The following STX8 variants were observed in gnomAD, a reference collection of about 807,000 sequenced individuals.
The protein encoded by STX8 is syntaxin 8.
Under a neutral mutation model 37.5 loss-of-function variants are expected in STX8, and 23 were observed. The ratio of observed to expected loss-of-function variants is 0.61; its 90% confidence interval spans 0.44 to 0.87. The LOEUF is 0.87. Among genes scored for constraint, STX8 ranks in the 40% least tolerant of loss-of-function variants. The probability of loss-of-function intolerance (pLI) is 0.00; values close to 1 mark genes in which losing one functional copy is unlikely to be tolerated. For synonymous variants in STX8, 115 were observed against 99.1 expected (o/e 1.16, Z -0.95); for missense variants, 313 against 284.7 (o/e 1.10, Z -0.71).
intron 7 of STX8, among the ~76,000 whole-genome samples, chr17:9,327,674 A>AT (rs1295691078): frequency 6.6e-6 from 1 of 151,894 alleles, no homozygotes; most frequent in African/African-American, 2.4e-5. Context: ...AGGGCAGAGA[A>AT]TTTTTTTCTT....
At chr17:9,304,609 G>T (rs375165030) in intron 7 of STX8, among the ~76,000 whole-genome samples, 1 of 151,210 alleles carries the variant, frequency 6.6e-6, no homozygotes. Context: ...AATGTTCTAC[G>T]ATTTCTGACC....
chr17:9,543,760 T>G (rs2073175483), intron 4 of STX8, among the ~76,000 whole-genome samples: 1 of 152,280 alleles, frequency 6.6e-6, no homozygotes, highest in African/African-American at 2.4e-5. Flanking sequence ...CAGCACAGGC[T>G]TCTATCTTCA....
intron 7 of STX8, among the ~76,000 whole-genome samples, chr17:9,265,131 A>G (rs1411085289): frequency 6.6e-6 from 1 of 151,946 alleles, no homozygotes; most frequent in Admixed American, 6.6e-5. Context: ...AAGAAAAAAA[A>G]AAAAAAAAAA....
chr17:9,376,549 C>A lies in STX8; in HGVS notation c.643+2003G>T, dbSNP rs147055922. ...AATAAAATCAGGCCACCTGAGGCAG[C>A]AACCCTGACCCGCTCGGGTCCCCTT... On this transcript the variant is annotated intron_variant, in intron 7 of 7. Transcript: ENST00000306357. 3.7e-4 allele frequency among the ~76,000 whole-genome samples: 57 copies of A among 152,346 alleles called. 1 individual carries two copies. Among genetic ancestry groups the A allele is most frequent in the African/African-American group, 1.3e-3 (54 of 41,578 alleles).
At chr17:9,490,935 G>C (rs1228289297) in intron 6 of STX8, among the ~76,000 whole-genome samples, 1 of 152,148 alleles carries the variant, frequency 6.6e-6, no homozygotes, top group Non-Finnish European at 1.5e-5. Context: ...GTTGTGTGGA[G>C]ATGAAATGAA....
chr17:9,313,919 C>T (rs1209536590), intron 7 of STX8, among the ~76,000 whole-genome samples: 4 of 152,312 alleles, frequency 2.6e-5, no homozygotes, highest in Admixed American at 2.6e-4. Context: ...CATGAGCCAC[C>T]GTGCCCAGCC....
intron 7 of STX8, among the ~76,000 whole-genome samples, chr17:9,376,060 A>T (rs1911570060): frequency 6.6e-6 from 1 of 152,158 alleles, no homozygotes; most frequent in Non-Finnish European, 1.5e-5. Context: ...CCGCTTTCTT[A>T]TAATTAGGAA....
chr17:9,544,801 A>G (rs1039057871), intron 4 of STX8, among the ~76,000 whole-genome samples: 10 of 152,018 alleles, frequency 6.6e-5, no homozygotes, highest in Non-Finnish European at 1.5e-5. Flanking sequence ...GACCATCCTG[A>G]CTAATACGGT....
At chr17:9,357,689 T>C (rs942157783) in intron 7 of STX8, among the ~76,000 whole-genome samples, 1 of 151,974 alleles carries the variant, frequency 6.6e-6, no homozygotes, top group South Asian at 2.1e-4. Context: ...AGTGAGACTC[T>C]GTCTCAAAAA....
intron 7 of STX8, among the ~76,000 whole-genome samples, chr17:9,252,609 CA>C (rs60037652): frequency 1.5e-3 from 142 of 94,016 alleles, no homozygotes; most frequent in South Asian, 2.0e-3. Flanking sequence ...AACTCTGTCT[CA>C]AAAAAAAAAA....
At chr17:9,472,399 T>C (rs1289798036) in intron 6 of STX8, among the ~76,000 whole-genome samples, 2 of 152,208 alleles carry the variant, frequency 1.3e-5, no homozygotes, top group African/African-American at 4.8e-5. Context: ...CTGAATCCTT[T>C]GAGTCCTCCT....
intron 7 of STX8, among the ~76,000 whole-genome samples, chr17:9,306,383 G>C (rs997851420): frequency 3.9e-5 from 6 of 152,108 alleles, no homozygotes; most frequent in African/African-American, 1.2e-4. Flanking sequence ...AGAAGACAGG[G>C]AGCGGGGAAT....
intron 2 of STX8, among the ~76,000 whole-genome samples, chr17:9,559,760 A>ATATATATTTTTTTTTTTTTTTTTTTTT: frequency 4.1e-5 from 1 of 24,492 alleles, no homozygotes; most frequent in African/African-American, 1.9e-4. Flanking sequence ...ATATATATAT[A>ATATATATTTTTTTTTTTTTTTTTTTTT]TTTTTTTTTT....
At chr17:9,344,041 T>C (rs1214159440) in intron 7 of STX8, among the ~76,000 whole-genome samples, 2 of 152,066 alleles carry the variant, frequency 1.3e-5, no homozygotes, top group Non-Finnish European at 2.9e-5. Flanking sequence ...AGTTACAAAA[T>C]ATAACAACAA....
chr17:9,562,179 G>C (rs28708951), intron 2 of STX8, among the ~76,000 whole-genome samples: 53 of 151,780 alleles, frequency 3.5e-4, no homozygotes, highest in African/African-American at 1.2e-3. Context: ...TGAGGCAGGC[G>C]GATCACAAGG....
intron 6 of STX8, among the ~76,000 whole-genome samples, chr17:9,418,065 G>A (rs1213660802): frequency 2.0e-5 from 3 of 152,166 alleles, no homozygotes; most frequent in East Asian, 1.9e-4. Context: ...TTGTAGCCAC[G>A]TTGGACAGAA....
chr17:9,376,153 C>G (rs1567802908), intron 7 of STX8, among the ~76,000 whole-genome samples: 2 of 152,222 alleles, frequency 1.3e-5, no homozygotes, highest in Admixed American at 6.5e-5. Flanking sequence ...CGGGTGGGGA[C>G]TTGGAGAACT....
chr17:9,333,602 G>A (rs1264128303), intron 7 of STX8, among the ~76,000 whole-genome samples: 1 of 152,228 alleles, frequency 6.6e-6, no homozygotes, highest in South Asian at 2.1e-4. Context: ...TGTTAGCCAG[G>A]ATGGTCTGGA....
At chr17:9,541,388 C>T (rs983694746) in intron 4 of STX8, among the ~76,000 whole-genome samples, 1 of 152,094 alleles carries the variant, frequency 6.6e-6, no homozygotes, top group African/African-American at 2.4e-5. Flanking sequence ...GGGCAGGGCA[C>T]GAGGGACAGA....
Sources: gnomAD v4.1 joint callset for allele counts (sites outside exome capture counted in the v4.1 genomes callset) on GRCh38, gnomAD v4.1.1 for gene constraint, MANE v1.5 for transcripts, NCBI Gene and HGNC (gene_info 2026-07-23, HGNC 2026-07-21) for gene names.